The following DAB1 variants were observed in gnomAD, a reference collection of about 807,000 sequenced individuals.
DAB1 encodes the protein DAB adaptor protein 1, also known as disabled homolog 1.
DAB1 carries 15 observed loss-of-function variants against 64.6 expected under a neutral mutation model. The observed-to-expected ratio is 0.23, with a 90% confidence interval of 0.16 to 0.36. The LOEUF is 0.36. Among genes scored for constraint, DAB1 ranks in the 10% least tolerant of loss-of-function variants. DAB1 has a pLI of 1.00. For synonymous variants in DAB1, 235 were observed against 251.9 expected, an observed-to-expected ratio of 0.93 and a Z score of 0.64; for missense variants, 596 against 706.7, an observed-to-expected ratio of 0.84 and a Z score of 1.78.
intron 6 of DAB1, among the ~76,000 whole-genome samples, chr1:57,752,089 G>A (rs1357885869): frequency 6.6e-6 from 1 of 152,218 alleles, no homozygotes; most frequent in Non-Finnish European, 1.5e-5. Flanking sequence ...TGCTCACAAA[G>A]AGAGAATCTC....
chr1:58,199,159 T>TC (rs1240875841), intron 4 of DAB1, among the ~76,000 whole-genome samples: 1 of 152,062 alleles, frequency 6.6e-6, no homozygotes, highest in Non-Finnish European at 1.5e-5. Context: ...GTCCTATTGA[T>TC]CCCATAAGAA....
chr1:57,674,067 T>C (rs913643637), intron 6 of DAB1, among the ~76,000 whole-genome samples: 2 of 152,120 alleles, frequency 1.3e-5, no homozygotes, highest in African/African-American at 2.4e-5. Context: ...TATTGAGTAA[T>C]AGGGGGGCAG....
At chr1:57,043,286 G>A (rs891197616) in intron 9 of DAB1, among the ~76,000 whole-genome samples, 1 of 152,086 alleles carries the variant, frequency 6.6e-6, no homozygotes, top group African/African-American at 2.4e-5. Flanking sequence ...CTCCCCAAAC[G>A]TGTTCTTTCC....
intron 1 of DAB1, among the ~76,000 whole-genome samples, chr1:57,355,845 T>C (rs971261804): frequency 8.3e-5 from 12 of 144,040 alleles, no homozygotes; most frequent in African/African-American, 2.9e-4. Context: ...GTGGTAGTGG[T>C]AACTAGCTTT....
At chr1:57,303,176 G>A (rs1673814718) in intron 1 of DAB1, among the ~76,000 whole-genome samples, 1 of 152,140 alleles carries the variant, frequency 6.6e-6, no homozygotes, top group South Asian at 2.1e-4. Flanking sequence ...AGAGATCCTG[G>A]GATGGGGGTT....
intron 6 of DAB1, among the ~76,000 whole-genome samples, chr1:57,716,326 C>A (rs1197517563): frequency 6.6e-6 from 1 of 152,170 alleles, no homozygotes; most frequent in East Asian, 1.9e-4. Flanking sequence ...ATCATATTAC[C>A]TGACTTCAAA....
chr1:57,672,241 T>C (rs1646517874), intron 6 of DAB1, among the ~76,000 whole-genome samples: 1 of 152,124 alleles, frequency 6.6e-6, no homozygotes, highest in Non-Finnish European at 1.5e-5. Flanking sequence ...AATACACAAA[T>C]GAAATCTGTA....
chr1:58,501,069 G>A (rs1249343869), intron 3 of DAB1, among the ~76,000 whole-genome samples: 1 of 152,110 alleles, frequency 6.6e-6, no homozygotes, highest in Admixed American at 6.5e-5. Context: ...ACCAAAATAT[G>A]TGGAATATGT....
intron 5 of DAB1, among the ~76,000 whole-genome samples, chr1:58,054,185 C>T (rs1175222098): frequency 6.6e-6 from 1 of 152,234 alleles, no homozygotes; most frequent in Non-Finnish European, 1.5e-5. Context: ...GAAGTTGCTT[C>T]TGTCTGAATA....
intron 1 of DAB1, among the ~76,000 whole-genome samples, chr1:57,832,928 CTCT>C (rs938234986): frequency 2.0e-5 from 3 of 152,102 alleles, no homozygotes; most frequent in African/African-American, 4.8e-5. Flanking sequence ...TGTGAAGATT[CTCT>C]TCTTCTTTTC....
At chr1:58,003,271 T>A (rs1027278616) in intron 5 of DAB1, among the ~76,000 whole-genome samples, 1 of 152,170 alleles carries the variant, frequency 6.6e-6, no homozygotes, top group African/African-American at 2.4e-5. Context: ...TGTGCTCCTC[T>A]CCGCTTCAAT....
chr1:58,301,625 C>T (rs1285515878), intron 4 of DAB1, among the ~76,000 whole-genome samples: 2 of 152,208 alleles, frequency 1.3e-5, no homozygotes, highest in East Asian at 3.9e-4. Context: ...GTTTTTCCCT[C>T]CTCTCAGTAT....
At chr1:58,152,985 T>G in intron 4 of DAB1, among the ~76,000 whole-genome samples, 1 of 152,202 alleles carries the variant, frequency 6.6e-6, no homozygotes, top group African/African-American at 2.4e-5. Flanking sequence ...CACATGACAT[T>G]GCTTCTGAGT....
At chr1:57,240,928 C>T (rs979244245) in intron 2 of DAB1, among the ~76,000 whole-genome samples, 1 of 152,156 alleles carries the variant, frequency 6.6e-6, no homozygotes, top group Non-Finnish European at 1.5e-5. Context: ...GCAGACCTCT[C>T]CCCTTCTTGC....
chr1:57,106,825 T>C (rs1179261205), intron 4 of DAB1, among the ~76,000 whole-genome samples: 4 of 152,082 alleles, frequency 2.6e-5, no homozygotes, highest in Middle Eastern at 3.2e-3. Context: ...CCCTCAAGAC[T>C]CACAGATTGA....
At chr1:57,334,916 A>C (rs967235494) in intron 1 of DAB1, among the ~76,000 whole-genome samples, 4 of 152,202 alleles carry the variant, frequency 2.6e-5, no homozygotes, top group Non-Finnish European at 5.9e-5. Context: ...TTAAATAAGG[A>C]AACTGAGGCC....
intron 6 of DAB1, among the ~76,000 whole-genome samples, chr1:57,653,596 C>A (rs560411454): frequency 6.6e-6 from 1 of 152,028 alleles, no homozygotes; most frequent in Non-Finnish European, 1.5e-5. Flanking sequence ...AGAGTACATG[C>A]ATCTTCAGAA....
chr1:57,007,254 A>T (rs971051917), intron 14 of DAB1, among the ~76,000 whole-genome samples: 2 of 152,186 alleles, frequency 1.3e-5, no homozygotes, highest in Non-Finnish European at 2.9e-5. Flanking sequence ...ATTGTTACAG[A>T]TGCTACTCTG....
chr1:58,053,382 A>G (rs918860598), intron 5 of DAB1, among the ~76,000 whole-genome samples: 29 of 152,132 alleles, frequency 1.9e-4, no homozygotes, highest in African/African-American at 7.0e-4. Context: ...GGTTAGGGAG[A>G]GCCCATGTGT....
Sources: allele counts gnomAD v4.1 joint callset (sites outside exome capture counted in the v4.1 genomes callset), GRCh38; gene constraint gnomAD v4.1.1; transcripts MANE v1.5; gene names NCBI Gene and HGNC (gene_info 2026-07-23, HGNC 2026-07-21).